CACUL1: variants seen among roughly 807,000 people sequenced by gnomAD.
The protein encoded by CACUL1 is CDK2-associated and cullin domain-containing protein 1.
A neutral mutation model predicts 45.2 loss-of-function variants in CACUL1; 13 were observed. That is an observed-to-expected ratio of 0.29 (90% CI 0.19 to 0.46). CACUL1 has a LOEUF of 0.46. Among genes scored for constraint, CACUL1 ranks in the 20% least tolerant of loss-of-function variants. CACUL1 has a pLI of 1.00. For missense variants in CACUL1, 421 were observed against 471.4 expected (o/e 0.89, Z 0.99); for synonymous variants, 197 against 174.2 (o/e 1.13, Z -1.03).
At chr10:118,745,425 G>A (rs1368899691) in intron 1 of CACUL1, among the ~76,000 whole-genome samples, 1 of 152,108 alleles carries the variant, frequency 6.6e-6, no homozygotes, top group Non-Finnish European at 1.5e-5. Flanking sequence ...AGCTGGGTGT[G>A]GTGGCACATG....
intron 3 of CACUL1, among the ~76,000 whole-genome samples, chr10:118,708,057 G>C (rs985456640): frequency 2.7e-5 from 4 of 148,488 alleles, no homozygotes; most frequent in African/African-American, 9.9e-5. Context: ...GCTCAGACAG[G>C]AGAATCACTT....
chr10:118,719,927 T>C (rs868669786), intron 3 of CACUL1, among the ~76,000 whole-genome samples: 23 of 152,288 alleles, frequency 1.5e-4, no homozygotes, highest in Admixed American at 7.2e-4. Context: ...AATAGTGATA[T>C]AGAAGGTAAC....
intron 5 of CACUL1, among the ~76,000 whole-genome samples, chr10:118,696,230 G>T (rs1420734580): frequency 6.6e-6 from 1 of 152,072 alleles, no homozygotes; most frequent in Non-Finnish European, 1.5e-5. Context: ...GACCACCAGG[G>T]GTGTCCAGTC....
intron 3 of CACUL1, among the ~76,000 whole-genome samples, chr10:118,710,998 G>C (rs747126926): frequency 3.3e-5 from 5 of 152,194 alleles, no homozygotes; most frequent in Non-Finnish European, 7.4e-5. Context: ...AAAATGTCAA[G>C]TATTACACAT....
At chr10:118,697,756 A>C (rs192471596) in intron 5 of CACUL1, among the ~76,000 whole-genome samples, 142 of 152,370 alleles carry the variant, frequency 9.3e-4, no homozygotes, top group Middle Eastern at 6.8e-3. Flanking sequence ...TGAACTATAA[A>C]TCTGCTGCTG....
chr10:118,720,892 C>G (rs1322222220), intron 3 of CACUL1, among the ~76,000 whole-genome samples: 1 of 152,182 alleles, frequency 6.6e-6, no homozygotes, highest in Non-Finnish European at 1.5e-5. Flanking sequence ...GCCATGACAA[C>G]TGCTTTAAGT....
At chr10:118,690,323 A>AG (rs1047360512) in intron 7 of CACUL1, among the ~76,000 whole-genome samples, 34 of 151,480 alleles carry the variant, frequency 2.2e-4, no homozygotes, top group Middle Eastern at 3.2e-3. Context: ...AAAAAAAAAA[A>AG]AAAAAAAAGA....
intron 5 of CACUL1, among the ~76,000 whole-genome samples, chr10:118,698,529 T>A (rs536036263): frequency 4.6e-5 from 7 of 152,248 alleles, no homozygotes; most frequent in South Asian, 2.1e-4. Flanking sequence ...ACAGCAAAAG[T>A]GGCACTGTGC....
intron 4 of CACUL1, among the ~76,000 whole-genome samples, chr10:118,702,867 C>T (rs11198565): frequency 0.14 from 21,461 of 152,156 alleles, 1,997 homozygotes; most frequent in Middle Eastern, 0.24. Flanking sequence ...CAGGCGTGAG[C>T]CACCATGCCT....
chr10:118,735,457 A>G (rs1845731862), intron 1 of CACUL1, among the ~76,000 whole-genome samples: 1 of 152,234 alleles, frequency 6.6e-6, no homozygotes, highest in African/African-American at 2.4e-5. Flanking sequence ...GTCAGGCCCC[A>G]ACACAGACCT....
rs1036155200 is a variant in CACUL1, at chr10:118,680,145, C to T, written c.*5983G>A. On this transcript the variant is annotated 3_prime_UTR_variant, in exon 9 of 9. Transcript: ENST00000369151. ...TCTATTAATATGTGTGATATTCATT[C>T]TACTATCATGCTTTTTGATATTCAA... 2.0e-5 allele frequency: 3 copies of T among 151,894 alleles called. No homozygotes were observed. The highest frequency in any genetic ancestry group is 7.3e-5 in the African/African-American group (3 of 41,348). The allele number at this position is 151,894 out of a possible 1,614,324, so 9.4% of individuals were successfully genotyped here. A position where few individuals can be genotyped will look rare whatever the true frequency, so the allele number is the denominator to read the frequency against.
At chr10:118,715,840 G>A (rs1477964490) in intron 3 of CACUL1, among the ~76,000 whole-genome samples, 1 of 152,196 alleles carries the variant, frequency 6.6e-6, no homozygotes, top group East Asian at 1.9e-4. Flanking sequence ...GACAAGAAGG[G>A]ATGGAAGAGA....
At chr10:118,742,931 C>G (rs574055425) in intron 1 of CACUL1, among the ~76,000 whole-genome samples, 1 of 152,260 alleles carries the variant, frequency 6.6e-6, no homozygotes, top group South Asian at 2.1e-4. Flanking sequence ...GAAGAAAGAA[C>G]TTTAGACGCA....
chr10:118,734,133 T>C (rs956344925), intron 1 of CACUL1, among the ~76,000 whole-genome samples: 9 of 152,248 alleles, frequency 5.9e-5, no homozygotes, highest in African/African-American at 1.9e-4. Context: ...TCTTAGGAGA[T>C]CTGCAAGGCT....
At chr10:118,693,667 A>G (rs1384338200) in intron 6 of CACUL1, 2 of 453,258 alleles carry the variant, frequency 4.4e-6, no homozygotes, top group Non-Finnish European at 8.9e-6. Flanking sequence ...AGATGCTTTC[A>G]AAGGAAAAAA....
At chr10:118,748,828 G>A (rs1886899) in intron 1 of CACUL1, among the ~76,000 whole-genome samples, 3,271 of 152,224 alleles carry the variant, frequency 0.021, 210 homozygotes, top group East Asian at 0.19. Context: ...TTCCACACCA[G>A]ACGGCGACAT....
At chr10:118,690,944 G>C (rs1343359831) in intron 7 of CACUL1, among the ~76,000 whole-genome samples, 4 of 152,170 alleles carry the variant, frequency 2.6e-5, no homozygotes, top group Admixed American at 2.0e-4. Flanking sequence ...CCAGCTACTT[G>C]GGAGGCTAAG....
chr10:118,745,781 TGATGGTAAAA>T (rs1845837732), intron 1 of CACUL1, among the ~76,000 whole-genome samples: 2 of 151,664 alleles, frequency 1.3e-5, no homozygotes, highest in Non-Finnish European at 2.9e-5. Flanking sequence ...AAAAGTAAAA[TGATGGTAAAA>T]GATACATTAT....
intron 7 of CACUL1, among the ~76,000 whole-genome samples, chr10:118,689,076 TAAG>T (rs1845235831): frequency 2.0e-5 from 3 of 152,378 alleles, no homozygotes; most frequent in African/African-American, 4.8e-5. Context: ...ACTGCTCAGA[TAAG>T]AAGAGGCAGA....
Sources: gnomAD v4.1 joint callset for allele counts (sites outside exome capture counted in the v4.1 genomes callset) on GRCh38, gnomAD v4.1.1 for gene constraint, MANE v1.5 for transcripts, NCBI Gene and HGNC (gene_info 2026-07-23, HGNC 2026-07-21) for gene names.